OR56A5: variants seen among roughly 807,000 people sequenced by gnomAD.
OR56A5 encodes olfactory receptor 56A5.
A neutral mutation model predicts 13.8 loss-of-function variants in OR56A5; 10 were observed. The observed-to-expected ratio is 0.73, with a 90% CI of 0.45 to 1.23. The LOEUF (loss-of-function observed/expected upper bound fraction) is 1.23, where lower values mean the gene tolerates loss of function less well. OR56A5 is among the 50% of genes most tolerant of loss of function. The probability of loss-of-function intolerance (pLI) is 0.00; values close to 1 mark genes in which losing one functional copy is unlikely to be tolerated. For missense variants in OR56A5, 377 were observed against 370.9 expected (o/e 1.02, Z -0.13); for synonymous variants, 156 against 150.8 (o/e 1.03, Z -0.25).
chr11:5,968,426 G>C lies in OR56A5; in HGVS notation c.69C>G (p.Phe23Leu). The change falls in exon 1 of 1, where the codon TTC (phenylalanine) becomes TTG (leucine). Residue 23 changes from phenylalanine (F) to leucine (L), a missense_variant. Physicochemically the swap from Phe to Leu is conservative, Grantham distance 22 (BLOSUM62 0). Coordinates refer to ENST00000532411, the MANE Select transcript of OR56A5 (RefSeq NM_001146033.1). ...GAGACAGCCAGTGCTGCCAGCTCTGGAAACTGGGGAAACAAATGAGGAAGA... is the reference window on the plus strand; with the variant it reads ...GAGACAGCCAGTGCTGCCAGCTCTGCAAACTGGGGAAACAAATGAGGAAGA... ...FEFFLICFPS[F>L]QSWQHWLSLP... The C allele has an allele frequency of 6.3e-7, 1 of 1,598,892 alleles. No homozygotes were observed. Among genetic ancestry groups the C allele is most frequent in the Non-Finnish European group, 8.5e-7 (1 of 1,171,910 alleles).
rs1244594101 is a variant in OR56A5, at chr11:5,967,912, T to G, written c.583A>C (p.Ile195Leu). 6.3e-7 allele frequency: 1 copy of G among 1,593,088 alleles called. No homozygotes were observed. Residue 195 changes from isoleucine to leucine, a missense_variant, in exon 1 of 1, where the codon ATC becomes CTC. Transcript: ENST00000532411. ...VSVSKLSCDD[I>L]TLNQSYQFVI... The stretch of plus-strand genomic sequence containing the variant: ...AACTGGTAGCTCTGATTCAAGGTGA[T>G]GTCATCACAAGAGAGTTTAGACACA...
In OR56A5 at chr11:5,967,943, G is replaced by T. The variant is rs777291604; in HGVS notation, c.552C>A (p.Asn184Lys). 2 of 1,595,330 alleles carry T rather than the reference G, an allele frequency of 1.3e-6. No individual in the cohort carries two copies. The highest frequency in any genetic ancestry group is 2.3e-5 in the South Asian group (2 of 88,572). Residue 184 changes from asparagine (N) to lysine (K), a missense_variant, in exon 1 of 1, where the codon AAC becomes AAA. Physicochemically the swap from Asn to Lys is moderately conservative, Grantham distance 94. Transcript: ENST00000532411. ...CACAAGAGAGTTTAGACACAGACACGTTAGTACAGATGCAGTTCTTGATGA... is the reference window on the plus strand; with the variant it reads ...CACAAGAGAGTTTAGACACAGACACTTTAGTACAGATGCAGTTCTTGATGA... ...GHIIKNCICT[N>K]VSVSKLSCDD...
Position 5,967,562 on chromosome 11 carries a change from C to G in OR56A5, c.933G>C (p.Arg311Ser), listed in dbSNP as rs768831543. Residue 311 changes from arginine (R) to serine (S), a missense_variant, in exon 1 of 1, where the codon AGG becomes AGC. Coordinates refer to ENST00000532411, the MANE Select transcript of OR56A5 (RefSeq NM_001146033.1). The part of the protein sequence containing the change: ...EIKQGIQNLL[R>S]RL ...GCATTCATTTTATTTTTTACAACCT[C>G]CTCAGCAGGTTCTGGATTCCCTGCT... The G allele has an allele frequency of 6.3e-7, 1 of 1,586,310 alleles. No homozygotes were observed. Among genetic ancestry groups the G allele is most frequent in the Non-Finnish European group, 8.6e-7 (1 of 1,164,714 alleles).
chr11:5,967,928 T>C lies in OR56A5; in HGVS notation c.567A>G (p.Lys189=). ...NCICTNVSVS[K]LSCDDITLNQ... ...TCAAGGTGATGTCATCACAAGAGAG[T>C]TTAGACACAGACACGTTAGTACAGA... is the stretch of plus-strand genomic sequence containing the variant. Residue 189 remains lysine (K), a synonymous_variant, in exon 1 of 1, where the codon AAA becomes AAG. Transcript: ENST00000532411. The C allele has an allele frequency of 1.3e-6, 2 of 1,595,282 alleles. No homozygotes were observed. The highest frequency in any genetic ancestry group is 1.7e-6 in the Non-Finnish European group (2 of 1,169,666).
rs769313199 is a variant in OR56A5 at position 5,967,795 on chromosome 11, C to A, written c.700G>T (p.Glu234Ter). 6.3e-7 allele frequency: 1 copy of A among 1,579,330 alleles called. No individual in the cohort carries two copies. Among genetic ancestry groups the A allele is most frequent in the Admixed American group, 1.9e-5 (1 of 53,746 alleles). ...ILKTVLRIKG[E>*]GDMAKALGTC... is the part of the protein sequence containing the mutation. ...CCTAGAGCTTTGGCCATATCTCCCTCACCCTTAATCCTTAGCACAGTTTTC... is the reference window on the plus strand; with the variant it reads ...CCTAGAGCTTTGGCCATATCTCCCTAACCCTTAATCCTTAGCACAGTTTTC... Residue 234 changes from glutamate (E) to a stop codon, truncating the protein, a stop_gained, in exon 1 of 1, where the codon GAG (glutamate) becomes TAG (stop). Transcript: ENST00000532411. LOFTEE classifies it high-confidence loss of function.
In OR56A5 at chr11:5,967,999, A is replaced by G; in HGVS notation, c.496T>C (p.Ser166Pro). 1 of 1,591,026 alleles carries G rather than the reference A, an allele frequency of 6.3e-7. No homozygotes were observed. The highest frequency in any genetic ancestry group is 1.3e-5 in the African/African-American group (1 of 74,538). ...CCTGCACAGTATCTGAGTCGAGAAG[A>G]AAGTATGGGGATAGGCATAGTAAGA... ...GLLTMPIPIL[S>P]SRLRYCAGHI... The change falls in exon 1 of 1, where the codon TCT becomes CCT. Residue 166 changes from serine to proline, a missense_variant. Ser to Pro is a moderately conservative substitution (Grantham distance 74). Transcript: ENST00000532411.
Position 5,968,204 on chromosome 11 carries a change from G to A in OR56A5, c.291C>T (p.Phe97=). 6.2e-7 allele frequency: 1 copy of A among 1,614,230 alleles called. No homozygotes were observed. Residue 97 remains phenylalanine, a synonymous_variant, in exon 1 of 1, where the codon TTC becomes TTT. Coordinates refer to ENST00000532411, the MANE Select transcript of OR56A5 (RefSeq NM_001146033.1). ...TGAACACCTGAAGGAAGCAGGCAGG[G>A]AAGCTGATTGATCTGAGGTCAAACC... ...IFWFDLRSIS[F]PACFLQVFIM... is the part of the protein sequence containing the mutation.
At position 5,968,490 on chromosome 11, in the gene OR56A5, G is replaced by A. The variant is rs1381259084; in HGVS notation, c.5C>T (p.Thr2Ile). The change falls in exon 1 of 1, where the codon ACA becomes ATA. Residue 2 changes from threonine to isoleucine, a missense_variant. Coordinates refer to ENST00000532411, the MANE Select transcript of OR56A5 (RefSeq NM_001146033.1). ...GGAAGTGGAGTTGTTGCTGGGTAAT[G>A]TCATGAAATAAATCCTCAGCTGAGA... M[T>I]LPSNNSTSPV... The A allele has an allele frequency of 3.9e-6, 6 of 1,549,690 alleles. No homozygotes were observed. The highest frequency in any genetic ancestry group is 4.4e-6 in the Non-Finnish European group (5 of 1,145,144).
In OR56A5 at chr11:5,968,039, C is replaced by A; in HGVS notation, c.456G>T (p.Val152=). The change falls in exon 1 of 1, where the codon GTG becomes GTT. Residue 152 remains valine (V), a synonymous_variant. Transcript: ENST00000532411. The part of the protein sequence containing the change: ...QFVARAAIFV[V]ARNGLLTMPI... ...GCATAGTAAGAAGGCCATTCCTGGC[C>A]ACAACAAAGATGGCAGCCCTAGCGA... 6.2e-7 allele frequency: 1 copy of A among 1,603,592 alleles called. No individual in the cohort carries two copies. Among genetic ancestry groups the A allele is most frequent in the Non-Finnish European group, 8.5e-7 (1 of 1,174,298 alleles).
In OR56A5 at chr11:5,968,343, G is replaced by A. The variant is rs764546805; in HGVS notation, c.152C>T (p.Thr51Ile). 6.8e-6 allele frequency: 11 copies of A among 1,613,564 alleles called. No homozygotes were observed. The African/African-American group carries it at 1.5e-4, about 22-fold the overall frequency. Residue 51 changes from threonine to isoleucine, a missense_variant, in exon 1 of 1, where the codon ACC (threonine) becomes ATC (isoleucine). Coordinates refer to ENST00000532411, the MANE Select transcript of OR56A5 (RefSeq NM_001146033.1). ...GTGCAGAGAGGCTTCCAGATAGATG[G>A]TGATCAGAAGGGTGGCATTGGCCCC... ...AMGANATLLI[T>I]IYLEASLHQP...
chr11:5,968,351 A>G lies in OR56A5; in HGVS notation c.144T>C (p.Leu48=), dbSNP rs1187707840. ...AGGCTTCCAGATAGATGGTGATCAGAAGGGTGGCATTGGCCCCCATGGCCA... is the reference window on the plus strand; with the variant it reads ...AGGCTTCCAGATAGATGGTGATCAGGAGGGTGGCATTGGCCCCCATGGCCA... ...FLLAMGANAT[L]LITIYLEASL... is the part of the protein sequence containing the mutation. The change falls in exon 1 of 1, where the codon CTT becomes CTC. Residue 48 remains leucine, a synonymous_variant. Transcript: ENST00000532411. 11 of 1,613,682 alleles carry G rather than the reference A, an allele frequency of 6.8e-6. No homozygotes were observed. The highest frequency in any genetic ancestry group is 1.3e-5 in the African/African-American group (1 of 74,902).
At position 5,967,563 on chromosome 11, in the gene OR56A5, C is replaced by T. The variant is rs1447287498; in HGVS notation, c.932G>A (p.Arg311Lys). The T allele has an allele frequency of 1.3e-6, 2 of 1,587,178 alleles. No homozygotes were observed. Among genetic ancestry groups the T allele is most frequent in the African/African-American group, 2.7e-5 (2 of 74,082 alleles). The change falls in exon 1 of 1, where the codon AGG becomes AAG. Residue 311 changes from arginine to lysine, a missense_variant. Arg to Lys is a conservative substitution (Grantham distance 26). Transcript: ENST00000532411. ...EIKQGIQNLL[R>K]RL Reference sequence around the variant, plus strand: ...CATTCATTTTATTTTTTACAACCTCCTCAGCAGGTTCTGGATTCCCTGCTT... The same window carrying T: ...CATTCATTTTATTTTTTACAACCTCTTCAGCAGGTTCTGGATTCCCTGCTT...
Position 5,968,071 on chromosome 11 carries a change from G to C in OR56A5, c.424C>G (p.Gln142Glu), listed in dbSNP as rs1375405191. 2.4e-5 allele frequency: 38 copies of C among 1,612,400 alleles called. 1 individual carries two copies. In the South Asian group the frequency reaches 4.1e-4, roughly 17 times the overall value. The change falls in exon 1 of 1, where the codon CAA becomes GAA. Residue 142 changes from glutamine to glutamate, a missense_variant. By Grantham distance (29) the Gln-to-Glu change is conservative. Transcript: ENST00000532411. ...AAGATGGCAGCCCTAGCGACAAATT[G>C]ATCAGTGATGATGGATGAGTACTGT... Reference protein sequence around the residue: ...PLQYSSIITDQFVARAAIFVV... With the variant: ...PLQYSSIITDEFVARAAIFVV...
rs761133010 is a variant in OR56A5 at position 5,967,793 on chromosome 11, C to T, written c.702G>A (p.Glu234=). The T allele has an allele frequency of 6.3e-7, 1 of 1,581,070 alleles. No homozygotes were observed. The highest frequency in any genetic ancestry group is 2.3e-5 in the East Asian group (1 of 44,020). Residue 234 remains glutamate, a synonymous_variant, in exon 1 of 1, where the codon GAG becomes GAA. Transcript: ENST00000532411. ...TACCTAGAGCTTTGGCCATATCTCC[C>T]TCACCCTTAATCCTTAGCACAGTTT... is the stretch of plus-strand genomic sequence containing the variant. The part of the protein sequence containing the change: ...ILKTVLRIKG[E]GDMAKALGTC...
chr11:5,968,181 A>G lies in OR56A5; in HGVS notation c.314T>C (p.Phe105Ser), dbSNP rs776473403. 1.5e-5 allele frequency: 25 copies of G among 1,614,186 alleles called. No individual in the cohort carries two copies. In the African/African-American group the frequency reaches 2.8e-4, roughly 18 times the overall value. Residue 105 changes from phenylalanine to serine, a missense_variant, in exon 1 of 1, where the codon TTC (phenylalanine) becomes TCC (serine). Physicochemically the swap from Phe to Ser is radical, Grantham distance 155. Coordinates refer to ENST00000532411, the MANE Select transcript of OR56A5 (RefSeq NM_001146033.1). ...ISFPACFLQV[F>S]IMNSFLTMES... ...CATAGTCAGAAAACTGTTCATGATG[A>G]ACACCTGAAGGAAGCAGGCAGGGAA...
Position 5,967,920 on chromosome 11 carries a change from CA to C in OR56A5, c.574del (p.Cys192ValfsTer6), listed in dbSNP as rs1564803820. 1.9e-6 allele frequency: 3 copies of C among 1,594,640 alleles called. No homozygotes were observed. The highest frequency in any genetic ancestry group is 1.7e-5 in the Admixed American group (1 of 57,250). On this transcript the variant is annotated frameshift_variant, in exon 1 of 1. Transcript: ENST00000532411. LOFTEE classifies it high-confidence loss of function. The stretch of plus-strand genomic sequence containing the variant: ...GCTCTGATTCAAGGTGATGTCATCA[CA>C]AGAGAGTTTAGACACAGACACGTTA... The part of the protein sequence containing the change: ...CTNVSVSKLS[C>X]DDITLNQSYQ...
rs2134377907 is a variant in OR56A5, at chr11:5,968,289, A to T, written c.206T>A (p.Leu69His). Reference protein sequence around the residue: ...HQPLYYLLSLLSLLDIVLCLT... With the variant: ...HQPLYYLLSLHSLLDIVLCLT... ...GCAGAGTACGATGTCCAGCAGGGAG[A>T]GGAGGCTGAGCAGGTAGTACAGGGG... is the stretch of plus-strand genomic sequence containing the variant. Residue 69 changes from leucine (L) to histidine (H), a missense_variant, in exon 1 of 1, where the codon CTC (leucine) becomes CAC (histidine). Coordinates refer to ENST00000532411, the MANE Select transcript of OR56A5 (RefSeq NM_001146033.1). The T allele has an allele frequency of 6.2e-7, 1 of 1,612,756 alleles. No homozygotes were observed. Among genetic ancestry groups the T allele is most frequent in the South Asian group, 1.1e-5 (1 of 90,750 alleles).
rs760324239 is a variant in OR56A5, at chr11:5,968,062, C to T, written c.433G>A (p.Ala145Thr). The part of the protein sequence containing the change: ...YSSIITDQFV[A>T]RAAIFVVARN... ...GCCACAACAAAGATGGCAGCCCTAG[C>T]GACAAATTGATCAGTGATGATGGAT... The change falls in exon 1 of 1, where the codon GCT (alanine) becomes ACT (threonine). Residue 145 changes from alanine to threonine, a missense_variant. Transcript: ENST00000532411. The T allele has an allele frequency of 1.5e-5, 24 of 1,610,464 alleles. No individual in the cohort carries two copies. Among genetic ancestry groups the T allele is most frequent in the East Asian group, 8.9e-5 (4 of 44,818 alleles).
In OR56A5 at chr11:5,967,676, C is replaced by T. The variant is rs61738948; in HGVS notation, c.819G>A (p.Pro273=). 1.6e-3 allele frequency: 2,626 copies of T among 1,613,712 alleles called. 33 individuals are homozygous for T. The African/African-American group carries it at 0.031, about 19-fold the overall frequency. The part of the protein sequence containing the change: ...ITNLARKRIP[P]DVPILLNILH... ...GGATGTTGAGCAGGATGGGGACATC[C>T]GGAGGAATTCTCTTCCTGGCCAGGT... is the stretch of plus-strand genomic sequence containing the variant. The change falls in exon 1 of 1, where the codon CCG becomes CCA. Residue 273 remains proline (P), a synonymous_variant. Transcript: ENST00000532411.
Sources: allele counts gnomAD v4.1 joint callset, GRCh38; gene constraint gnomAD v4.1.1; transcripts MANE v1.5; gene names NCBI Gene and HGNC (gene_info 2026-07-23, HGNC 2026-07-21).